CLMP: variants seen among roughly 807,000 people sequenced by gnomAD.
CLMP encodes the protein CXADR like cell adhesion molecule.
A neutral mutation model predicts 45.2 loss-of-function variants in CLMP; 27 were observed. The ratio of observed to expected loss-of-function variants is 0.60; its 90% CI spans 0.44 to 0.82. CLMP has a LOEUF of 0.82. CLMP is among the 40% of genes least tolerant of loss of function. The pLI, the probability that CLMP is intolerant of heterozygous loss-of-function variation, is 0.00. For missense variants in CLMP, 403 were observed against 448.4 expected (o/e 0.90, Z 0.91); for synonymous variants, 167 against 171.4 (o/e 0.97, Z 0.20).
At chr11:123,076,301 C>T (rs756867230) in intron 5 of CLMP, among the ~76,000 whole-genome samples, 1 of 152,066 alleles carries the variant, frequency 6.6e-6, no homozygotes, top group East Asian at 1.9e-4. Context: ...AGCAATACAC[C>T]CTTTTTCATA....
chr11:123,144,875 T>C (rs1243359637), intron 1 of CLMP, among the ~76,000 whole-genome samples: 1 of 152,162 alleles, frequency 6.6e-6, no homozygotes, highest in Non-Finnish European at 1.5e-5. Flanking sequence ...TTTCACTGGC[T>C]GATTGTGTGT....
At chr11:123,170,712 A>C (rs577122331) in intron 1 of CLMP, among the ~76,000 whole-genome samples, 5 of 152,276 alleles carry the variant, frequency 3.3e-5, no homozygotes, top group African/African-American at 1.2e-4. Flanking sequence ...ATGTGCTGGG[A>C]TTACAGGCGT....
At chr11:123,192,293 T>C (rs1466667890) in intron 1 of CLMP, among the ~76,000 whole-genome samples, 1 of 152,132 alleles carries the variant, frequency 6.6e-6, no homozygotes, top group African/African-American at 2.4e-5. Context: ...TACTAAAGGT[T>C]TTTGGAAGAA....
intron 5 of CLMP, among the ~76,000 whole-genome samples, chr11:123,076,158 C>CAA (rs528272771): frequency 0.022 from 3,135 of 142,092 alleles, 101 homozygotes; most frequent in East Asian, 0.18. Flanking sequence ...GACTCTGTCT[C>CAA]AAAAAAAAAA....
In CLMP at chr11:123,135,393, T is replaced by C. The variant is rs568867280; in HGVS notation, c.29-37441A>G. ...TGTATACCATATGTACATGTATATA[T>C]GGTCAAAGCTAAGGACTGACAATGT... On this transcript the variant is annotated intron_variant, in intron 1 of 6. Transcript: ENST00000448775. Among the ~76,000 whole-genome samples the C allele has an allele frequency of 1.4e-4, 21 of 152,186 alleles. No homozygotes were observed. The South Asian group carries it at 4.3e-3, about 32-fold the overall frequency.
chr11:123,113,642 A>C (rs1255022882), intron 1 of CLMP, among the ~76,000 whole-genome samples: 2 of 152,152 alleles, frequency 1.3e-5, no homozygotes, highest in African/African-American at 4.8e-5. Flanking sequence ...ATAGGTTCTC[A>C]AAGTCTGGTG....
At chr11:123,152,888 G>A (rs984670837) in intron 1 of CLMP, among the ~76,000 whole-genome samples, 4 of 152,096 alleles carry the variant, frequency 2.6e-5, no homozygotes, top group Admixed American at 6.6e-5. Flanking sequence ...ACTCAGGAGG[G>A]CCTGGTGAAG....
chr11:123,184,448 G>A (rs1444130834), intron 1 of CLMP, among the ~76,000 whole-genome samples: 1 of 152,180 alleles, frequency 6.6e-6, no homozygotes, highest in Non-Finnish European at 1.5e-5. Context: ...TAGCTGACTT[G>A]TGTTTCTTCT....
rs368990647 is a variant in CLMP at position 123,089,752 on chromosome 11, G to A, written c.187-5039C>T. Among the ~76,000 whole-genome samples the A allele has an allele frequency of 5.2e-4, 76 of 145,862 alleles. 1 individual carries two copies. Among genetic ancestry groups the A allele is most frequent in the African/African-American group, 1.9e-3 (75 of 38,958 alleles). On this transcript the variant is annotated intron_variant, in intron 2 of 6. Transcript: ENST00000448775. ...AGATCGCACCACTGCACTCCAGCCT[G>A]GGCGACAGAGCGAGTCTCCATCTCA...
chr11:123,123,017 T>G (rs1032474989), intron 1 of CLMP, among the ~76,000 whole-genome samples: 5 of 152,114 alleles, frequency 3.3e-5, no homozygotes, highest in African/African-American at 1.2e-4. Context: ...TCATCCCTTT[T>G]GCTGTGTTTG....
intron 1 of CLMP, among the ~76,000 whole-genome samples, chr11:123,124,252 G>C (rs1373775038): frequency 6.6e-6 from 1 of 152,154 alleles, no homozygotes; most frequent in Non-Finnish European, 1.5e-5. Context: ...CTGGCCTCAA[G>C]TGATCCTCTT....
intron 4 of CLMP, 51 bp from the exon 5 acceptor site, chr11:123,083,258 ATTTATTGTTTAC>A: frequency 6.4e-7 from 1 of 1,559,014 alleles, no homozygotes; most frequent in Non-Finnish European, 8.8e-7. Context: ...TGGTATCTAT[ATTTATTGTTTAC>A]TTTATTGTAT....
chr11:123,165,904 A>G (rs961483030), intron 1 of CLMP, among the ~76,000 whole-genome samples: 1 of 152,194 alleles, frequency 6.6e-6, no homozygotes, highest in Non-Finnish European at 1.5e-5. Context: ...CAGCAACCAG[A>G]TTGGACTGTC....
chr11:123,120,122 C>G (rs1203982310), intron 1 of CLMP, among the ~76,000 whole-genome samples: 1 of 152,090 alleles, frequency 6.6e-6, no homozygotes, highest in Non-Finnish European at 1.5e-5. Context: ...TGTTGTTGTA[C>G]TATTTAAAAA....
rs531462435 is a variant in CLMP at position 123,177,845 on chromosome 11, T to G, written c.28+17068A>C. 3.9e-5 allele frequency among the ~76,000 whole-genome samples: 6 copies of G among 152,302 alleles called. No individual in the cohort carries two copies. The South Asian group carries it at 1.2e-3, about 32-fold the overall frequency. ...TATCCCAAAAAATCTTGTTTTTATT[T>G]ATTTTTATTTAATTATTTTATTATT... On this transcript the variant is annotated intron_variant, in intron 1 of 6. Transcript: ENST00000448775.
chr11:123,157,970 A>AT (rs1465039149), intron 1 of CLMP, among the ~76,000 whole-genome samples: 1 of 151,610 alleles, frequency 6.6e-6, no homozygotes, highest in East Asian at 1.9e-4. Flanking sequence ...TTATTACATT[A>AT]TTTTTTTCCT....
chr11:123,083,564 A>T, intron 4 of CLMP, 116 bp downstream of exon 4: 1 of 1,019,358 alleles, frequency 9.8e-7, no homozygotes, highest in Non-Finnish European at 1.5e-6. Flanking sequence ...ATGGCAGTTC[A>T]GGAGGTTCAG....
At chr11:123,104,153 TA>T (rs1273952553) in intron 1 of CLMP, among the ~76,000 whole-genome samples, 2 of 141,318 alleles carry the variant, frequency 1.4e-5, no homozygotes. Flanking sequence ...TTTTTTTTTT[TA>T]ATCCAGATTC....
At chr11:123,123,612 A>C (rs985324658) in intron 1 of CLMP, among the ~76,000 whole-genome samples, 1 of 152,140 alleles carries the variant, frequency 6.6e-6, no homozygotes, top group African/African-American at 2.4e-5. Flanking sequence ...AGTGCGGCGT[A>C]CACACAGGCA....
Sources: gnomAD v4.1 joint callset for allele counts (sites outside exome capture counted in the v4.1 genomes callset) on GRCh38, gnomAD v4.1.1 for gene constraint, MANE v1.5 for transcripts, NCBI Gene and HGNC (gene_info 2026-07-23, HGNC 2026-07-21) for gene names.